Variants in SLC12A8 observed in about 807,000 individuals in gnomAD.
SLC12A8 encodes the protein solute carrier family 12 member 8.
Under a neutral mutation model 75.6 loss-of-function variants are expected in SLC12A8, and 69 were observed. That is an observed-to-expected ratio of 0.91 (90% CI 0.75 to 1.11). The LOEUF (loss-of-function observed/expected upper bound fraction) is 1.11, where lower values mean the gene tolerates loss of function less well. SLC12A8 is among the 50% of genes most tolerant of loss of function. The pLI is 0.00. For missense variants in SLC12A8, 877 were observed against 896.7 expected (o/e 0.98, Z 0.28); for synonymous variants, 365 against 372.8 (o/e 0.98, Z 0.24).
chr3:125,134,890 A>G (rs763989067), intron 6 of SLC12A8, among the ~76,000 whole-genome samples: 1 of 152,256 alleles, frequency 6.6e-6, no homozygotes, highest in African/African-American at 2.4e-5. Context: ...CTGGCCATCA[A>G]TACTCTCTTG....
intron 5 of SLC12A8, among the ~76,000 whole-genome samples, chr3:125,147,809 G>A (rs770738915): frequency 3.9e-4 from 59 of 152,136 alleles, no homozygotes; most frequent in Admixed American, 1.3e-4. Context: ...CTGCGGCATT[G>A]GAACCTTCAT....
At chr3:125,094,205 T>C (rs997072474) in intron 10 of SLC12A8, among the ~76,000 whole-genome samples, 5 of 152,222 alleles carry the variant, frequency 3.3e-5, no homozygotes, top group African/African-American at 1.2e-4. Context: ...CTGCTGTTCC[T>C]CATTCCAACC....
At chr3:125,200,437 ACT>A (rs1935097994) in intron 2 of SLC12A8, among the ~76,000 whole-genome samples, 1 of 152,150 alleles carries the variant, frequency 6.6e-6, no homozygotes, top group Non-Finnish European at 1.5e-5. Flanking sequence ...ACAGAGCGAG[ACT>A]CTGTCTCAAA....
intron 5 of SLC12A8, among the ~76,000 whole-genome samples, chr3:125,146,979 G>C (rs1304500375): frequency 6.6e-6 from 1 of 152,206 alleles, no homozygotes; most frequent in East Asian, 1.9e-4. Context: ...CAGGGGTTTA[G>C]GTGGAAAGGA....
chr3:125,136,389 C>T (rs1052957641), intron 5 of SLC12A8, among the ~76,000 whole-genome samples: 1 of 152,194 alleles, frequency 6.6e-6, no homozygotes, highest in African/African-American at 2.4e-5. Flanking sequence ...TGGGCCAACT[C>T]TTCAAGCTCA....
chr3:125,128,878 A>G lies in SLC12A8; in HGVS notation c.736+6791T>C, dbSNP rs543885024. ...GGGGAAGTAGGCCAGAGGAGGGGTGAGCACTAACAGCCGGGCTGAGGGGCC... is the reference window on the plus strand; with the variant it reads ...GGGGAAGTAGGCCAGAGGAGGGGTGGGCACTAACAGCCGGGCTGAGGGGCC... On this transcript the variant is annotated intron_variant, in intron 6 of 13. Transcript: ENST00000469902. Among the ~76,000 whole-genome samples the G allele has an allele frequency of 2.3e-3, 350 of 152,266 alleles. 1 individual carries two copies. Among genetic ancestry groups the G allele is most frequent in the Non-Finnish European group, 3.8e-3 (257 of 67,998 alleles).
At chr3:125,129,723 C>T (rs867279243) in intron 6 of SLC12A8, among the ~76,000 whole-genome samples, 5 of 152,194 alleles carry the variant, frequency 3.3e-5, no homozygotes, top group African/African-American at 9.7e-5. Flanking sequence ...ATGACTCACT[C>T]GGAGCTAATC....
intron 4 of SLC12A8, among the ~76,000 whole-genome samples, chr3:125,180,447 C>T (rs1934633581): frequency 6.6e-6 from 1 of 152,324 alleles, no homozygotes; most frequent in South Asian, 2.1e-4. Context: ...AATCCCAGCA[C>T]TTTGGGAGGC....
At chr3:125,211,211 G>T in intron 2 of SLC12A8, 88 bp downstream of exon 2, 1 of 1,051,396 alleles carries the variant, frequency 9.5e-7, no homozygotes, top group South Asian at 1.2e-5. Context: ...TCTAAAGGGT[G>T]CGCTGTAATG....
At chr3:125,084,886 C>T (rs1461373336) in intron 13 of SLC12A8, among the ~76,000 whole-genome samples, 1 of 152,160 alleles carries the variant, frequency 6.6e-6, no homozygotes, top group East Asian at 1.9e-4. Context: ...ACATGGATTT[C>T]CTCTTAAAAT....
intron 5 of SLC12A8, among the ~76,000 whole-genome samples, chr3:125,156,089 C>A (rs1934044549): frequency 6.6e-6 from 1 of 152,208 alleles, no homozygotes; most frequent in Non-Finnish European, 1.5e-5. Flanking sequence ...CAGCCGGCTG[C>A]CTCATCATGC....
chr3:125,119,986 C>T, intron 7 of SLC12A8: 1 of 439,332 alleles, frequency 2.3e-6, no homozygotes, highest in Non-Finnish European at 4.6e-6. Context: ...GAACTAAAAC[C>T]CCAGAGGCCT....
intron 12 of SLC12A8, among the ~76,000 whole-genome samples, chr3:125,089,536 C>T (rs1385583550): frequency 6.6e-6 from 1 of 151,686 alleles, no homozygotes; most frequent in Non-Finnish European, 1.5e-5. Flanking sequence ...TATATTCTAT[C>T]CATGAAGTCA....
At position 125,209,205 on chromosome 3, in the gene SLC12A8, AT is replaced by A. The variant is rs144356175; in HGVS notation, c.51+2093del. 7.0e-3 allele frequency among the ~76,000 whole-genome samples: 1,063 copies of A among 152,294 alleles called. 13 individuals carry two copies. Among genetic ancestry groups the A allele is most frequent in the African/African-American group, 0.024 (981 of 41,546 alleles). ...CCCACGCAGAGGTCCTTAATTTGCC[AT>A]CTGGGTGGCTTTGCTTATACCATTT... On this transcript the variant is annotated intron_variant, in intron 2 of 13. Transcript: ENST00000469902.
At chr3:125,207,837 A>G (rs1560087325) in intron 2 of SLC12A8, among the ~76,000 whole-genome samples, 1 of 152,030 alleles carries the variant, frequency 6.6e-6, no homozygotes, top group Non-Finnish European at 1.5e-5. Flanking sequence ...TTCACAGCCT[A>G]CTCCGCTGGG....
chr3:125,098,554 C>CCACATA (rs1938777031), intron 10 of SLC12A8, among the ~76,000 whole-genome samples: 2 of 143,920 alleles, frequency 1.4e-5, no homozygotes, highest in Admixed American at 7.0e-5. Flanking sequence ...TGAATCTTCT[C>CCACATA]CACACACACA....
At chr3:125,144,558 C>T (rs500226) in intron 5 of SLC12A8, among the ~76,000 whole-genome samples, 1 of 152,164 alleles carries the variant, frequency 6.6e-6, no homozygotes, top group Non-Finnish European at 1.5e-5. Context: ...AATGCACTCT[C>T]CCTCCTGCCA....
intron 5 of SLC12A8, among the ~76,000 whole-genome samples, chr3:125,166,869 C>T (rs899031830): frequency 1.3e-5 from 2 of 152,142 alleles, no homozygotes; most frequent in Non-Finnish European, 2.9e-5. Flanking sequence ...TTTTCAAACG[C>T]TGAACAATAG....
At chr3:125,141,375 T>C (rs943710673) in intron 5 of SLC12A8, among the ~76,000 whole-genome samples, 7 of 152,176 alleles carry the variant, frequency 4.6e-5, no homozygotes, top group Admixed American at 1.3e-4. Context: ...CGTGGGAGCC[T>C]ACCCTCCTCC....
Sources: gnomAD v4.1 joint callset for allele counts (sites outside exome capture counted in the v4.1 genomes callset) on GRCh38, gnomAD v4.1.1 for gene constraint, MANE v1.5 for transcripts, NCBI Gene and HGNC (gene_info 2026-07-23, HGNC 2026-07-21) for gene names.